NSD2: variants seen among roughly 807,000 people sequenced by gnomAD.
The protein encoded by NSD2 is histone-lysine N-methyltransferase NSD2.
In NSD2, 12 loss-of-function variants were observed where a neutral mutation model predicts 139.0. That is an observed-to-expected ratio of 0.09 (90% CI 0.06 to 0.14). The LOEUF is 0.14. NSD2 is among the 10% of genes least tolerant of loss of function. The pLI, the probability that NSD2 is intolerant of heterozygous loss-of-function variation, is 1.00. For missense variants in NSD2, 1,155 were observed against 1,745.0 expected (o/e 0.66, Z 6.02); for synonymous variants, 669 against 648.7 (o/e 1.03, Z -0.48).
intron 9 of NSD2, chr4:1,941,225 A>G: frequency 9.5e-7 from 1 of 1,055,868 alleles, no homozygotes; most frequent in Non-Finnish European, 1.1e-6. Flanking sequence ...AATATTAAAC[A>G]TTTTTCACTT....
intron 21 of NSD2, among the ~76,000 whole-genome samples, chr4:1,977,605 G>T (rs1466496614): frequency 6.6e-6 from 1 of 151,432 alleles, no homozygotes; most frequent in Admixed American, 6.6e-5. Context: ...GTGAAACCCC[G>T]TCTCTACTAA....
chr4:1,907,200 C>G (rs1390474109), intron 3 of NSD2, among the ~76,000 whole-genome samples: 1 of 152,118 alleles, frequency 6.6e-6, no homozygotes, highest in Non-Finnish European at 1.5e-5. Context: ...GGTCTTAATG[C>G]AGTGACCACC....
intron 1 of NSD2, among the ~76,000 whole-genome samples, chr4:1,898,658 TA>T (rs967880779): frequency 5.8e-4 from 69 of 119,236 alleles, no homozygotes; most frequent in Middle Eastern, 5.2e-3. Context: ...AGACTCCGTC[TA>T]AAAAAAAAAA....
chr4:1,961,172 G>A (rs375912929), intron 18 of NSD2, 21 bp downstream of exon 18: 2 of 1,583,038 alleles, frequency 1.3e-6, no homozygotes, highest in African/African-American at 2.7e-5. Context: ...ACTCCACTGT[G>A]AGCTTCTGCA....
chr4:1,974,723 C>CT lies in NSD2; in HGVS notation c.3373-139dup, dbSNP rs761038727. ...CAGGACTGGTTTGGGGGTGTCCTGT[C>CT]TCAGTGGACACAGGACACCACGGTT... is the stretch of plus-strand genomic sequence containing the variant. On this transcript the variant is annotated intron_variant, in intron 18 of 21. Coordinates refer to ENST00000508803, the MANE Select transcript of NSD2 (RefSeq NM_001042424.3). The surrounding 1 kb of genome is among the most constrained non-coding windows in gnomAD (Gnocchi z 4.0). 6 of 1,186,976 alleles carry CT rather than the reference C, an allele frequency of 5.1e-6. No homozygotes were observed. Among genetic ancestry groups the CT allele is most frequent in the Non-Finnish European group, 7.5e-6 (6 of 802,106 alleles). The allele number at this position is 1,186,976 out of a possible 1,614,324, so 73.5% of individuals were successfully genotyped here. A position where few individuals can be genotyped will look rare whatever the true frequency, so the allele number is the denominator to read the frequency against.
intron 1 of NSD2, chr4:1,892,802 T>A (rs751780483): frequency 6.6e-6 from 1 of 151,522 alleles, no homozygotes; most frequent in Non-Finnish European, 1.5e-5. Context: ...CTCCTGACCT[T>A]GTGATCCGCT....
chr4:1,952,873 G>A, intron 11 of NSD2: 1 of 1,336,890 alleles, frequency 7.5e-7, no homozygotes, highest in South Asian at 2.0e-5. Flanking sequence ...ACACTTCCTG[G>A]GTCAGGAAGA....
chr4:1,952,624 C>A, intron 11 of NSD2: 1 of 832,846 alleles, frequency 1.2e-6, no homozygotes, highest in Non-Finnish European at 1.5e-6. Context: ...ACACTGAAGT[C>A]CATAGGAACA....
At chr4:1,952,905 C>T (rs1440087620) in intron 11 of NSD2, 7 of 1,395,952 alleles carry the variant, frequency 5.0e-6, no homozygotes, top group East Asian at 2.6e-5. Flanking sequence ...TCTCCCAGGC[C>T]ATGGCAGCCC....
At chr4:1,970,138 G>T in intron 18 of NSD2, among the ~76,000 whole-genome samples, 1 of 152,302 alleles carries the variant, frequency 6.6e-6, no homozygotes, top group Middle Eastern at 3.4e-3. Flanking sequence ...CCAGAGGATG[G>T]TTCAGCGGGG....
At chr4:1,909,270 C>A (rs556122349) in intron 3 of NSD2, among the ~76,000 whole-genome samples, 2 of 152,032 alleles carry the variant, frequency 1.3e-5, no homozygotes, top group Admixed American at 1.3e-4. Flanking sequence ...CCACCCCCCC[C>A]AACCCTAGCA....
At position 1,976,471 on chromosome 4, in the gene NSD2, C is replaced by A. The variant is rs1486016585; in HGVS notation, c.3622-4C>A. 2.5e-6 allele frequency: 4 copies of A among 1,612,636 alleles called. No individual in the cohort carries two copies. The Admixed American group carries it at 6.7e-5, about 27-fold the overall frequency. ...GGTGATCTGTGCTTAATTCTTGACT[C>A]TAGACCTCGACGACCCTTTCATCAG... is the stretch of plus-strand genomic sequence containing the variant. On this transcript the variant is annotated splice_region_variant and splice_polypyrimidine_tract_variant and intron_variant, in intron 20 of 21. Transcript: ENST00000508803. The surrounding 1 kb of genome is among the most constrained non-coding windows in gnomAD (Gnocchi z 5.3).
Position 1,871,502 on chromosome 4 carries a change from C to A in NSD2, c.-70C>A. 6.6e-6 allele frequency: 1 copy of A among 150,910 alleles called. No homozygotes were observed. The highest frequency in any genetic ancestry group is 1.8e-4 in the South Asian group (1 of 5,594). The allele number at this position is 150,910 out of a possible 1,614,324, so 9.3% of individuals were successfully genotyped here. ...CGGCCCCGGCCCCCTCCCAGCCTGCCGCTCCGGAGAGCCGCCCGCCGAGGA... is the reference window on the plus strand; with the variant it reads ...CGGCCCCGGCCCCCTCCCAGCCTGCAGCTCCGGAGAGCCGCCCGCCGAGGA... On this transcript the variant is annotated 5_prime_UTR_variant, in exon 1 of 22. Coordinates refer to ENST00000508803, the MANE Select transcript of NSD2 (RefSeq NM_001042424.3).
intron 5 of NSD2, among the ~76,000 whole-genome samples, chr4:1,926,159 T>TA: frequency 6.6e-6 from 1 of 150,532 alleles, no homozygotes; most frequent in South Asian, 2.1e-4. Context: ...AATTTTTTTT[T>TA]TTTTTTTTTT....
At chr4:1,966,151 A>T (rs1340728524) in intron 18 of NSD2, among the ~76,000 whole-genome samples, 1 of 152,244 alleles carries the variant, frequency 6.6e-6, no homozygotes, top group Admixed American at 6.5e-5. Flanking sequence ...CAAAAGCTGA[A>T]GAAGTTTTTT....
intron 1 of NSD2, chr4:1,887,670 C>T (rs1019026253): frequency 2.0e-5 from 3 of 152,194 alleles, no homozygotes; most frequent in African/African-American, 4.8e-5. Flanking sequence ...TGTTTTTAAT[C>T]TACCACACTT....
At chr4:1,941,348 A>G in intron 9 of NSD2, 1 of 1,052,462 alleles carries the variant, frequency 9.5e-7, no homozygotes. Flanking sequence ...CAGTAGAGAG[A>G]ACATGGAGCC....
rs1577604671 is a variant in NSD2, at chr4:1,981,850, T to C, written c.*2941T>C. The C allele has an allele frequency of 2.6e-6, 1 of 389,102 alleles. No homozygotes were observed. The highest frequency in any genetic ancestry group is 2.5e-5 in the African/African-American group (1 of 40,448). The allele number at this position is 389,102 out of a possible 1,614,324, so 24.1% of individuals were successfully genotyped here. A position where few individuals can be genotyped will look rare whatever the true frequency, so the allele number is the denominator to read the frequency against. On this transcript the variant is annotated 3_prime_UTR_variant, in exon 22 of 22. Transcript: ENST00000508803. The stretch of plus-strand genomic sequence containing the variant: ...TCCTATGAGTGTAGTTGATGACTGT[T>C]TGTTAGTCAGTAGAGTAAAATGCTG...
At chr4:1,923,568 C>A (rs1720453012) in intron 5 of NSD2, among the ~76,000 whole-genome samples, 1 of 152,102 alleles carries the variant, frequency 6.6e-6, no homozygotes, top group South Asian at 2.1e-4. Context: ...CTCAGAACAG[C>A]CAGGGATTGA....
Sources: allele counts gnomAD v4.1 joint callset (sites outside exome capture counted in the v4.1 genomes callset), GRCh38; gene constraint gnomAD v4.1.1; non-coding constraint Gnocchi (gnomAD v3.1); transcripts MANE v1.5; gene names NCBI Gene and HGNC (gene_info 2026-07-23, HGNC 2026-07-21).